Variants in ZMYM2 observed in about 807,000 individuals in gnomAD.
ZMYM2 encodes the protein zinc finger MYM-type protein 2.
Under a neutral mutation model 162.8 loss-of-function variants are expected in ZMYM2, and 56 were observed. That is an observed-to-expected ratio of 0.34 (90% CI 0.28 to 0.43). The LOEUF (loss-of-function observed/expected upper bound fraction) is 0.43, where lower values mean the gene tolerates loss of function less well. Among genes scored for constraint, ZMYM2 ranks in the 20% least tolerant of loss-of-function variants. The pLI, the probability that ZMYM2 is intolerant of heterozygous loss-of-function variation, is 1.00. For synonymous variants in ZMYM2, 510 were observed against 541.6 expected (o/e 0.94, Z 0.81); for missense variants, 1,275 against 1,621.8 (o/e 0.79, Z 3.67).
At chr13:20,041,640 T>C (rs1038973207) in intron 12 of ZMYM2, among the ~76,000 whole-genome samples, 4 of 152,218 alleles carry the variant, frequency 2.6e-5, no homozygotes, top group Non-Finnish European at 5.9e-5. Flanking sequence ...TGCTTTATAG[T>C]GTCACTTGTC....
chr13:20,051,660 A>T, intron 13 of ZMYM2, 62 bp downstream of exon 13: 1 of 1,477,498 alleles, frequency 6.8e-7, no homozygotes, highest in East Asian at 2.4e-5. Context: ...GTAGTTTTGA[A>T]TCCAAAGCAC....
chr13:19,939,487 A>T, the ZMYM2 span, among the ~76,000 whole-genome samples: 3 of 152,158 alleles, frequency 2.0e-5, no homozygotes, highest in Non-Finnish European at 4.4e-5. Context: ...AATTCTACTA[A>T]TTTATACTTC....
chr13:19,902,593 G>A, the ZMYM2 span, among the ~76,000 whole-genome samples: 14 of 152,112 alleles, frequency 9.2e-5, no homozygotes, highest in African/African-American at 3.1e-4. Flanking sequence ...TCCAGCCTGG[G>A]CAACAAGAGG....
chr13:19,929,385 C>G, the ZMYM2 span, among the ~76,000 whole-genome samples: 2 of 152,008 alleles, frequency 1.3e-5, no homozygotes, highest in Non-Finnish European at 2.9e-5. Flanking sequence ...ACTACAGGCG[C>G]CTGCCGCCAC....
At chr13:19,985,907 G>A (rs1184170888) in intron 2 of ZMYM2, among the ~76,000 whole-genome samples, 2 of 151,030 alleles carry the variant, frequency 1.3e-5, no homozygotes, top group Non-Finnish European at 3.0e-5. Context: ...TAAAAAAGCC[G>A]GGTGTGATAA....
At chr13:20,067,936 A>G (rs1956802165) in intron 21 of ZMYM2, among the ~76,000 whole-genome samples, 1 of 152,206 alleles carries the variant, frequency 6.6e-6, no homozygotes, top group African/African-American at 2.4e-5. Context: ...ATTTTGAAAT[A>G]TGGTAGATGA....
chr13:20,039,077 T>C (rs1252685731), intron 12 of ZMYM2, among the ~76,000 whole-genome samples: 1 of 152,140 alleles, frequency 6.6e-6, no homozygotes, highest in Non-Finnish European at 1.5e-5. Flanking sequence ...GGCCCTCAGC[T>C]TGATTGTTGT....
chr13:19,906,992 C>T, the ZMYM2 span, among the ~76,000 whole-genome samples: 7 of 152,066 alleles, frequency 4.6e-5, no homozygotes. Context: ...TCCCAAAATG[C>T]TGGGATTACA....
rs759800786 is a variant in ZMYM2 at position 19,993,525 on chromosome 13, T to G, written c.453T>G (p.Asn151Lys). ...CTCCTGAGACTAAAAACAGAACCAA[T>G]GATGTGGATTTCTCCACTTCCAGTT... ...RRPPETKNRT[N>K]DVDFSTSSFS... Residue 151 changes from asparagine to lysine, a missense_variant, in exon 3 of 25, where the codon AAT becomes AAG. Coordinates refer to ENST00000610343, the MANE Select transcript of ZMYM2 (RefSeq NM_197968.4). The G allele has an allele frequency of 1.9e-6, 3 of 1,613,950 alleles. No homozygotes were observed. In the South Asian group the frequency reaches 3.3e-5, roughly 18 times the overall value.
the ZMYM2 span, among the ~76,000 whole-genome samples, chr13:19,951,189 A>G: frequency 2.6e-5 from 4 of 152,158 alleles, no homozygotes; most frequent in African/African-American, 7.2e-5. Context: ...AGATAAATGA[A>G]TAACAAGAAA....
chr13:19,885,950 T>C, the ZMYM2 span, among the ~76,000 whole-genome samples: 245 of 79,522 alleles, frequency 3.1e-3, 58 homozygotes, highest in East Asian at 5.0e-3. Flanking sequence ...TATATGTATA[T>C]ACACATATAT....
intron 2 of ZMYM2, among the ~76,000 whole-genome samples, chr13:19,966,505 A>AGTGCAATGGT (rs1955800030): frequency 6.8e-6 from 1 of 147,002 alleles, no homozygotes; most frequent in South Asian, 2.2e-4. Context: ...CCTAGGTTGG[A>AGTGCAATGGT]GTGCAATGGT....
At position 20,031,876 on chromosome 13, in the gene ZMYM2, T is replaced by TTG. The variant is rs1382420993; in HGVS notation, c.1968+442_1968+443insGT. 1.9e-4 allele frequency among the ~76,000 whole-genome samples: 28 copies of TTG among 148,444 alleles called. 1 individual carries two copies. Among genetic ancestry groups the TTG allele is most frequent in the African/African-American group, 6.8e-4 (27 of 39,946 alleles). ...ACAATTCTGTAATTGTTTTTTTTTT[T>TTG]TTTTTTCTTTTTTTCTCAGAGTCTT... On this transcript the variant is annotated intron_variant, in intron 10 of 24. Coordinates refer to ENST00000610343, the MANE Select transcript of ZMYM2 (RefSeq NM_197968.4).
At chr13:19,924,253 A>G in the ZMYM2 span, among the ~76,000 whole-genome samples, 2 of 152,146 alleles carry the variant, frequency 1.3e-5, no homozygotes, top group Non-Finnish European at 2.9e-5. Context: ...AATACTTCAT[A>G]TAAGTGGAAT....
At chr13:19,918,581 C>T in the ZMYM2 span, among the ~76,000 whole-genome samples, 2 of 145,544 alleles carry the variant, frequency 1.4e-5, no homozygotes, top group Admixed American at 1.4e-4. Flanking sequence ...TCACTGCAAC[C>T]TCTGCCACCC....
chr13:20,054,050 T>C (rs1433728804), intron 14 of ZMYM2, among the ~76,000 whole-genome samples: 2 of 152,222 alleles, frequency 1.3e-5, no homozygotes, highest in Non-Finnish European at 2.9e-5. Flanking sequence ...GGGAGCATTA[T>C]TAATAGGGAA....
the ZMYM2 span, among the ~76,000 whole-genome samples, chr13:19,895,907 A>G: frequency 1.3e-5 from 2 of 151,904 alleles, no homozygotes; most frequent in Admixed American, 1.3e-4. Flanking sequence ...AAATTAATGG[A>G]CAATGAAACA....
chr13:19,915,597 G>A, the ZMYM2 span, among the ~76,000 whole-genome samples: 63 of 151,856 alleles, frequency 4.1e-4, no homozygotes, highest in South Asian at 2.5e-3. Context: ...TCCGCCCCCC[G>A]GGTTCAAGCA....
chr13:20,060,743 T>A (rs1278060120), intron 16 of ZMYM2, among the ~76,000 whole-genome samples: 1 of 152,162 alleles, frequency 6.6e-6, no homozygotes, highest in Non-Finnish European at 1.5e-5. Flanking sequence ...GAATTTCATA[T>A]AAAATATTAT....
Sources: gnomAD v4.1 joint callset for allele counts (sites outside exome capture counted in the v4.1 genomes callset) on GRCh38, gnomAD v4.1.1 for gene constraint, MANE v1.5 for transcripts, NCBI Gene and HGNC (gene_info 2026-07-23, HGNC 2026-07-21) for gene names.